The following SCAF11 variants were observed in gnomAD, a reference collection of about 807,000 sequenced individuals.
The protein encoded by SCAF11 is protein SCAF11.
Under a neutral mutation model 140.5 loss-of-function variants are expected in SCAF11, and 47 were observed. The ratio of observed to expected loss-of-function variants is 0.33; its 90% CI spans 0.26 to 0.43. The LOEUF is 0.43. Among genes scored for constraint, SCAF11 ranks in the 20% least tolerant of loss-of-function variants. SCAF11 has a pLI of 1.00. For missense variants in SCAF11, 1,645 were observed against 1,705.1 expected (o/e 0.96, Z 0.62); for synonymous variants, 557 against 579.4 (o/e 0.96, Z 0.55).
intron 5 of SCAF11, 103 bp from the exon 6 acceptor site, chr12:45,945,416 A>C: frequency 1.4e-6 from 1 of 691,660 alleles, no homozygotes; most frequent in Non-Finnish European, 2.5e-6. Flanking sequence ...TCTATCATGC[A>C]CTGATTTTGG....
chr12:45,986,688 G>A (rs1280477993), intron 1 of SCAF11, among the ~76,000 whole-genome samples: 1 of 152,170 alleles, frequency 6.6e-6, no homozygotes, highest in Non-Finnish European at 1.5e-5. Flanking sequence ...ATTCCCACGT[G>A]TTGTGGGAGC....
chr12:45,957,183 A>G (rs1419492852), intron 3 of SCAF11, among the ~76,000 whole-genome samples: 1 of 152,250 alleles, frequency 6.6e-6, no homozygotes, highest in Admixed American at 6.5e-5. Flanking sequence ...ACAGAGAGCT[A>G]CATAACAGAG....
intron 10 of SCAF11, among the ~76,000 whole-genome samples, chr12:45,930,701 G>A (rs749120207): frequency 3.2e-4 from 49 of 152,038 alleles, no homozygotes; most frequent in Admixed American, 5.9e-4. Context: ...TGCAAATGGT[G>A]GAACCATGTG....
rs374835830 is a variant in SCAF11 at position 45,990,502 on chromosome 12, G to C, written c.-171C>G. On this transcript the variant is annotated 5_prime_UTR_variant, in exon 1 of 15. Transcript: ENST00000369367. Reference sequence around the variant, plus strand: ...TCTAGGACACTGACTCCGCTGGCTCGGTCCGGAGGCGGCGGCGAAGCAGGG... The same window carrying C: ...TCTAGGACACTGACTCCGCTGGCTCCGTCCGGAGGCGGCGGCGAAGCAGGG... 102 of 1,231,882 alleles carry C rather than the reference G, an allele frequency of 8.3e-5. 1 individual carries two copies. In the East Asian group the frequency reaches 1.1e-3, roughly 14 times the overall value. 76.3% of individuals were successfully genotyped at this position (1,231,882 alleles called of 1,614,324 possible).
intron 1 of SCAF11, among the ~76,000 whole-genome samples, chr12:45,973,573 C>A (rs1234199032): frequency 6.6e-6 from 1 of 151,988 alleles, no homozygotes; most frequent in African/African-American, 2.4e-5. Flanking sequence ...CAAAGGAAAA[C>A]CTTGAAAGCA....
In SCAF11 at chr12:45,964,161, T is replaced by C. The variant is rs1200649682; in HGVS notation, c.7A>G (p.Lys3Glu). 1.3e-6 allele frequency: 2 copies of C among 1,513,102 alleles called. No individual in the cohort carries two copies. Among genetic ancestry groups the C allele is most frequent in the Admixed American group, 3.5e-5 (2 of 57,286 alleles). The allele number at this position is 1,513,102 out of a possible 1,614,324, so 93.7% of individuals were successfully genotyped here. A position where few individuals can be genotyped will look rare whatever the true frequency, so the allele number is the denominator to read the frequency against. Residue 3 changes from lysine to glutamate, a missense_variant, in exon 2 of 15, where the codon AAG becomes GAG. By Grantham distance (56) the Lys-to-Glu change is moderately conservative. This residue lies in a region of SCAF11 where 1,582 missense variants were observed against 1,609.2 expected (regional missense o/e 0.98). Transcript: ENST00000369367. ...ATATTTAGGGTACATACAGTTTTCT[T>C]CTTCATTTCTCTTTGGAAAAGGGTT... MK[K>E]KTVCTLNMGD... is the part of the protein sequence containing the mutation.
intron 1 of SCAF11, among the ~76,000 whole-genome samples, chr12:45,970,489 T>G (rs891168680): frequency 6.6e-6 from 1 of 152,238 alleles, no homozygotes; most frequent in African/African-American, 2.4e-5. Context: ...AGCACTGATA[T>G]GATAAATGAG....
intron 1 of SCAF11, among the ~76,000 whole-genome samples, chr12:45,988,830 T>A (rs953538026): frequency 2.6e-5 from 4 of 152,174 alleles, no homozygotes; most frequent in African/African-American, 9.7e-5. Flanking sequence ...TGTTAAAATA[T>A]CTGCAAGCAC....
At position 45,941,197 on chromosome 12, in the gene SCAF11, A is replaced by C. The variant is rs190789190; in HGVS notation, c.463+4052T>G. On this transcript the variant is annotated intron_variant, in intron 6 of 14. Coordinates refer to ENST00000369367, the MANE Select transcript of SCAF11 (RefSeq NM_004719.3). The stretch of plus-strand genomic sequence containing the variant: ...TGAGTAGATCTTATTTGTACATGAA[A>C]TGCAAATATACAATTTCTTCAGAGC... Among the ~76,000 whole-genome samples, 34 of 152,278 alleles carry C rather than the reference A, an allele frequency of 2.2e-4. No individual in the cohort carries two copies. In the East Asian group the frequency reaches 5.0e-3, roughly 22 times the overall value.
chr12:45,919,280 C>T lies in SCAF11; in HGVS notation c.*2768G>A, dbSNP rs1379988979. On this transcript the variant is annotated 3_prime_UTR_variant, in exon 15 of 15. Transcript: ENST00000369367. ...AATCACTGTGCTTCTGAAGCTACATCTTTTGGATGGAACATTCCAGCAGTA... is the reference window on the plus strand; with the variant it reads ...AATCACTGTGCTTCTGAAGCTACATTTTTTGGATGGAACATTCCAGCAGTA... 3 of 152,336 alleles carry T rather than the reference C, an allele frequency of 2.0e-5. No homozygotes were observed. Among genetic ancestry groups the T allele is most frequent in the Non-Finnish European group, 4.4e-5 (3 of 68,032 alleles). The allele number at this position is 152,336 out of a possible 1,614,324, so 9.4% of individuals were successfully genotyped here.
At chr12:45,939,762 T>G (rs948165738) in intron 6 of SCAF11, among the ~76,000 whole-genome samples, 2 of 152,066 alleles carry the variant, frequency 1.3e-5, no homozygotes, top group South Asian at 4.1e-4. Context: ...CTAAGTAGAG[T>G]TGCTTCTAAA....
chr12:45,935,976 C>CA (rs932467086), intron 6 of SCAF11, among the ~76,000 whole-genome samples: 11 of 152,052 alleles, frequency 7.2e-5, no homozygotes, highest in Admixed American at 5.2e-4. Context: ...AATGCATGTA[C>CA]ATACTTTAAG....
At position 45,948,502 on chromosome 12, in the gene SCAF11, G is replaced by A; in HGVS notation, c.333C>T (p.Asp111=). Residue 111 remains aspartate, a synonymous_variant, in exon 5 of 15, where the codon GAC becomes GAT. Coordinates refer to ENST00000369367, the MANE Select transcript of SCAF11 (RefSeq NM_004719.3). ...QVKKQLRETK[D]KKNENSFEKQ... ...TCTCAAATGAGTTTTCATTTTTCTT[G>A]TCTTTTGTTTCTCTCAGCTGTTTTT... 1.9e-6 allele frequency: 3 copies of A among 1,610,770 alleles called. No homozygotes were observed. The South Asian group carries it at 3.3e-5, about 18-fold the overall frequency.
At chr12:45,950,534 T>C (rs1592193513) in intron 4 of SCAF11, among the ~76,000 whole-genome samples, 1 of 152,168 alleles carries the variant, frequency 6.6e-6, no homozygotes, top group African/African-American at 2.4e-5. Flanking sequence ...TGCAATGTAA[T>C]TATACATACA....
chr12:45,979,472 T>A (rs1946304215), intron 1 of SCAF11, among the ~76,000 whole-genome samples: 1 of 152,182 alleles, frequency 6.6e-6, no homozygotes, highest in African/African-American at 2.4e-5. Flanking sequence ...ACAAGATTTT[T>A]AAAACTTTAC....
Position 45,983,742 on chromosome 12 carries a change from A to AACACACACACACACAC in SCAF11, c.-22+6595_-22+6610dup, listed in dbSNP as rs55655357. On this transcript the variant is annotated intron_variant, in intron 1 of 14. Coordinates refer to ENST00000369367, the MANE Select transcript of SCAF11 (RefSeq NM_004719.3). ...AGGTCTGACTGACTCCTAAACCTAAAACACACACACACACACACACACACA... is the reference window on the plus strand; with the variant it reads ...AGGTCTGACTGACTCCTAAACCTAAAACACACACACACACACACACACACACACACACACACACACA... Among the ~76,000 whole-genome samples the AACACACACACACACAC allele has an allele frequency of 1.4e-3, 186 of 133,990 alleles. 1 individual carries two copies. The highest frequency in any genetic ancestry group is 2.2e-3 in the Non-Finnish European group (138 of 62,734). The allele number at this position is 133,990 out of a possible 152,430, so 87.9% of individuals were successfully genotyped here.
Position 45,926,128 on chromosome 12 carries a change from C to T in SCAF11, c.3559+14G>A, listed in dbSNP as rs1025640298. On this transcript the variant is annotated intron_variant, in intron 11 of 14. Coordinates refer to ENST00000369367, the MANE Select transcript of SCAF11 (RefSeq NM_004719.3). ...AAATAAAACAGTATCAATAAACCAA[C>T]AAGAATACATTACCCTGTCCAGATG... 5.7e-6 allele frequency: 9 copies of T among 1,569,534 alleles called. No homozygotes were observed. Among genetic ancestry groups the T allele is most frequent in the Non-Finnish European group, 7.8e-6 (9 of 1,156,750 alleles).
At position 45,923,062 on chromosome 12, in the gene SCAF11, C is replaced by G. The variant is rs969963181; in HGVS notation, c.3999G>C (p.Gln1333His). 2.5e-6 allele frequency: 4 copies of G among 1,614,008 alleles called. No homozygotes were observed. The highest frequency in any genetic ancestry group is 3.4e-6 in the Non-Finnish European group (4 of 1,180,014). The change falls in exon 13 of 15, where the codon CAG becomes CAC. Residue 1333 changes from glutamine to histidine, a missense_variant. By Grantham distance (24) the Gln-to-His change is conservative (BLOSUM62 0). This residue lies in a region of SCAF11 where 1,582 missense variants were observed against 1,609.2 expected (regional missense o/e 0.98). Transcript: ENST00000369367. ...TAAPGNTGMV[Q>H]GPSSGNTSSS... ...ACGAAGTATTACCAGAACTTGGTCC[C>G]TGAACCATTCCCGTATTTCCTGGGG... is the stretch of plus-strand genomic sequence containing the variant.
chr12:45,947,784 T>A (rs1050587131), intron 5 of SCAF11, among the ~76,000 whole-genome samples: 1 of 152,098 alleles, frequency 6.6e-6, no homozygotes. Flanking sequence ...TCAAGATATC[T>A]CCCTGCCTCA....
Sources: gnomAD v4.1 joint callset for allele counts (sites outside exome capture counted in the v4.1 genomes callset) on GRCh38, gnomAD v4.1.1 for gene constraint, gnomAD v4.1.1 regional missense constraint, MANE v1.5 for transcripts, NCBI Gene and HGNC (gene_info 2026-07-23, HGNC 2026-07-21) for gene names.